NIPBL: variants seen among roughly 807,000 people sequenced by gnomAD.
The protein encoded by NIPBL is NIPBL cohesin loading factor, also known as nipped-B-like protein.
In NIPBL, 19 loss-of-function variants were observed where a neutral mutation model predicts 321.8. The observed-to-expected ratio is 0.06, with a 90% CI of 0.04 to 0.09. The LOEUF is 0.09. Ranked by LOEUF, NIPBL falls within the 10% of genes least tolerant of loss-of-function variation. The pLI is 1.00. For synonymous variants in NIPBL, 1,106 were observed against 1,114.1 expected (o/e 0.99, Z 0.14); for missense variants, 2,210 against 3,327.0 (o/e 0.66, Z 8.26).
chr5:36,935,539 A>G (rs1437031702), intron 1 of NIPBL, among the ~76,000 whole-genome samples: 2 of 152,160 alleles, frequency 1.3e-5, no homozygotes, highest in African/African-American at 2.4e-5. Context: ...CTAAGGTACC[A>G]TATTGTATTA....
chr5:36,912,594 C>T (rs1266371300), intron 1 of NIPBL, among the ~76,000 whole-genome samples: 4 of 151,484 alleles, frequency 2.6e-5, no homozygotes, highest in Non-Finnish European at 5.9e-5. Context: ...CTCCGCCTCC[C>T]GGATTCAAGC....
intron 6 of NIPBL, among the ~76,000 whole-genome samples, chr5:36,969,913 C>A (rs1742664984): frequency 6.6e-6 from 1 of 152,144 alleles, no homozygotes; most frequent in African/African-American, 2.4e-5. Context: ...GGCAATTTCA[C>A]TCCTAGGTAT....
At chr5:36,904,204 C>T (rs1443218377) in intron 1 of NIPBL, among the ~76,000 whole-genome samples, 1 of 152,236 alleles carries the variant, frequency 6.6e-6, no homozygotes, top group Non-Finnish European at 1.5e-5. Context: ...GGTGCGGTGG[C>T]TCGCGCCTCT....
At chr5:36,886,332 G>T in intron 1 of NIPBL, 1 of 693,530 alleles carries the variant, frequency 1.4e-6, no homozygotes, top group Non-Finnish European at 2.6e-6. Flanking sequence ...TGGAGGCTGA[G>T]AGCGCCACCT....
chr5:36,881,450 G>A (rs776417290), intron 1 of NIPBL, among the ~76,000 whole-genome samples: 5 of 151,816 alleles, frequency 3.3e-5, no homozygotes, highest in Non-Finnish European at 1.5e-5. Flanking sequence ...AGATTTTGAG[G>A]ACTTATTTGC....
intron 32 of NIPBL, among the ~76,000 whole-genome samples, chr5:37,028,952 C>T (rs954886018): frequency 2.6e-5 from 4 of 152,236 alleles, no homozygotes; most frequent in South Asian, 2.1e-4. Context: ...ATTTAATAGT[C>T]CACTTTTTTT....
intron 26 of NIPBL, 40 bp from the exon 27 acceptor site, chr5:37,020,734 CA>C (rs1561169909): frequency 6.2e-6 from 10 of 1,605,080 alleles, no homozygotes; most frequent in Non-Finnish European, 8.5e-6. Context: ...CCCTAAGTTA[CA>C]AAAAAAGAAA....
chr5:37,034,299 GAA>G (rs1032827833), intron 32 of NIPBL, among the ~76,000 whole-genome samples: 1 of 152,144 alleles, frequency 6.6e-6, no homozygotes, highest in African/African-American at 2.4e-5. Flanking sequence ...ACAGCCACTT[GAA>G]AAATGATTTC....
chr5:36,939,917 G>A (rs917910672), intron 1 of NIPBL, among the ~76,000 whole-genome samples: 2 of 152,102 alleles, frequency 1.3e-5, no homozygotes, highest in African/African-American at 2.4e-5. Context: ...GTTGTATTGG[G>A]GATTAAGTTT....
Position 37,008,656 on chromosome 5 carries a change from A to G in NIPBL, c.4354A>G (p.Ile1452Val). The G allele has an allele frequency of 1.3e-6, 2 of 1,595,940 alleles. No individual in the cohort carries two copies. The highest frequency in any genetic ancestry group is 1.3e-5 in the African/African-American group (1 of 74,752). ...AAGATATGAAAAACATAGGCAGTTA[A>G]TTTTGGAAGAAATTTTTACTTCACT... ...FSRYEKHRQL[I>V]LEEIFTSLAR... is the part of the protein sequence containing the mutation. Residue 1452 changes from isoleucine to valine, a missense_variant, in exon 20 of 47, where the codon ATT (isoleucine) becomes GTT (valine). Ile to Val is a conservative substitution (Grantham distance 29). Transcript: ENST00000282516.
chr5:36,879,034 C>A (rs913952066), intron 1 of NIPBL, among the ~76,000 whole-genome samples: 2 of 152,128 alleles, frequency 1.3e-5, no homozygotes, highest in African/African-American at 4.8e-5. Flanking sequence ...GAATACTTCA[C>A]ATCTTAAGAA....
Position 36,986,050 on chromosome 5 carries a change from T to C in NIPBL, c.2870T>C (p.Val957Ala), listed in dbSNP as rs1214103471. Residue 957 changes from valine to alanine, a missense_variant, in exon 10 of 47, where the codon GTC becomes GCC. Physicochemically the swap from Val to Ala is moderately conservative, Grantham distance 64. Transcript: ENST00000282516. The stretch of plus-strand genomic sequence containing the variant: ...AGGTCTGGTGCGTTGAAAAATTTTG[T>C]CATTCCGAAAATCAAGAGGGATAAA... ...GGRSGALKNFVIPKIKRDKDG... is the reference protein window; with the variant it reads ...GGRSGALKNFAIPKIKRDKDG... 6.2e-7 allele frequency: 1 copy of C among 1,613,890 alleles called. No homozygotes were observed. The highest frequency in any genetic ancestry group is 1.7e-5 in the Admixed American group (1 of 59,958).
At chr5:36,895,818 A>G (rs1324046849) in intron 1 of NIPBL, among the ~76,000 whole-genome samples, 1 of 152,054 alleles carries the variant, frequency 6.6e-6, no homozygotes, top group Non-Finnish European at 1.5e-5. Context: ...CTGCCTTTTT[A>G]TTGTTGAATT....
At chr5:36,920,821 C>T (rs902589241) in intron 1 of NIPBL, among the ~76,000 whole-genome samples, 17 of 150,898 alleles carry the variant, frequency 1.1e-4, no homozygotes, top group African/African-American at 3.9e-4. Flanking sequence ...TTCTTTGTTC[C>T]TTAATTTTTT....
chr5:37,029,637 C>A (rs1434687328), intron 32 of NIPBL, among the ~76,000 whole-genome samples: 2 of 152,108 alleles, frequency 1.3e-5, no homozygotes, highest in Non-Finnish European at 2.9e-5. Context: ...AAATGTTTTT[C>A]CAAAATTGCT....
chr5:37,061,801 G>T (rs954833075), intron 45 of NIPBL, among the ~76,000 whole-genome samples: 2 of 152,220 alleles, frequency 1.3e-5, no homozygotes, highest in South Asian at 2.1e-4. Context: ...ATACATAGTT[G>T]TTATACTGCA....
At position 37,059,074 on chromosome 5, in the gene NIPBL, C is replaced by T; in HGVS notation, c.7594C>T (p.Pro2532Ser). ...GAAATGTTTGCCAGAAAATTCAGCTCCTTTAATCGAATTTGCAAATGTGTC... is the reference window on the plus strand; with the variant it reads ...GAAATGTTTGCCAGAAAATTCAGCTTCTTTAATCGAATTTGCAAATGTGTC... ...VMKCLPENSAPLIEFANVSQG... is the reference protein window; with the variant it reads ...VMKCLPENSASLIEFANVSQG... The change falls in exon 44 of 47, where the codon CCT becomes TCT. Residue 2532 changes from proline (P) to serine (S), a missense_variant. Pro to Ser is a moderately conservative substitution (Grantham distance 74, BLOSUM62 -1). Around this residue, in one of 14 missense-constraint regions of NIPBL, gnomAD observed 79 missense variants for 90.8 expected, o/e 0.87. Transcript: ENST00000282516. 2 of 1,614,074 alleles carry T rather than the reference C, an allele frequency of 1.2e-6. No individual in the cohort carries two copies. Among genetic ancestry groups the T allele is most frequent in the Non-Finnish European group, 1.7e-6 (2 of 1,179,984 alleles).
chr5:37,022,059 A>C lies in NIPBL; in HGVS notation c.5337A>C (p.Arg1779=). 1 of 1,614,018 alleles carries C rather than the reference A, an allele frequency of 6.2e-7. No homozygotes were observed. The highest frequency in any genetic ancestry group is 8.5e-7 in the Non-Finnish European group (1 of 1,179,924). The change falls in exon 28 of 47, where the codon CGA becomes CGC. Residue 1779 remains arginine (R), a synonymous_variant. Coordinates refer to ENST00000282516, the MANE Select transcript of NIPBL (RefSeq NM_133433.4). ...CAATGTTTGCTTGGCAGATCCTACG[A>C]GTTCTTGGTGAAAATGCAATTGCTG... The part of the protein sequence containing the change: ...SFDIYLTQIL[R]VLGENAIAVR...
chr5:37,015,617 C>G (rs1452993982), intron 22 of NIPBL, among the ~76,000 whole-genome samples: 2 of 152,076 alleles, frequency 1.3e-5, no homozygotes, highest in African/African-American at 4.8e-5. Context: ...GTAGTCCCAG[C>G]TACTTGAGAG....
Sources: allele counts gnomAD v4.1 joint callset (sites outside exome capture counted in the v4.1 genomes callset), GRCh38; gene constraint gnomAD v4.1.1; regional missense constraint gnomAD v4.1.1; transcripts MANE v1.5; gene names NCBI Gene and HGNC (gene_info 2026-07-23, HGNC 2026-07-21).